Variants in DOK6 observed in about 807,000 individuals in gnomAD.
DOK6 encodes docking protein 6.
A neutral mutation model predicts 44.0 loss-of-function variants in DOK6; 22 were observed. The ratio of observed to expected loss-of-function variants is 0.50; its 90% confidence interval spans 0.36 to 0.71. The LOEUF (loss-of-function observed/expected upper bound fraction) is 0.71. DOK6 is among the 30% of genes least tolerant of loss of function. The pLI is 0.00. For missense variants in DOK6, 340 were observed against 416.4 expected, an observed-to-expected ratio of 0.82 and a Z score of 1.60; for synonymous variants, 166 against 145.5, an observed-to-expected ratio of 1.14 and a Z score of -1.01.
At chr18:69,582,201 T>C (rs1239469214) in intron 2 of DOK6, among the ~76,000 whole-genome samples, 1 of 152,220 alleles carries the variant, frequency 6.6e-6, no homozygotes, top group Admixed American at 6.5e-5. Flanking sequence ...GAAATGGGCC[T>C]GGCTGTGTTC....
intron 1 of DOK6, among the ~76,000 whole-genome samples, chr18:69,547,769 T>G (rs1599185236): frequency 6.6e-6 from 1 of 150,954 alleles, no homozygotes; most frequent in African/African-American, 2.4e-5. Context: ...AGATCCACTT[T>G]TCTAGCTCCC....
intron 1 of DOK6, among the ~76,000 whole-genome samples, chr18:69,494,773 C>G (rs1486519064): frequency 1.3e-5 from 2 of 152,228 alleles, no homozygotes; most frequent in Non-Finnish European, 2.9e-5. Context: ...CCCTTATCTT[C>G]TTACATAGCT....
intron 3 of DOK6, among the ~76,000 whole-genome samples, chr18:69,605,146 C>A (rs976959075): frequency 7.1e-6 from 1 of 141,596 alleles, no homozygotes; most frequent in Admixed American, 7.3e-5. Context: ...CAGCTGAGAC[C>A]AAATCATTTT....
chr18:69,474,159 C>T (rs1358414641), intron 1 of DOK6, among the ~76,000 whole-genome samples: 1 of 151,634 alleles, frequency 6.6e-6, no homozygotes, highest in East Asian at 1.9e-4. Context: ...TGAGGGGGGG[C>T]CTTCTTTCCT....
chr18:69,792,043 T>C (rs1244523469), intron 7 of DOK6, among the ~76,000 whole-genome samples: 6 of 152,160 alleles, frequency 3.9e-5, no homozygotes, highest in Non-Finnish European at 8.8e-5. Flanking sequence ...GGTGACTTTG[T>C]CAAAAATGAA....
intron 6 of DOK6, 156 bp downstream of exon 6, chr18:69,739,259 C>T: frequency 1.1e-6 from 1 of 924,732 alleles, no homozygotes; most frequent in Non-Finnish European, 1.6e-6. Flanking sequence ...TCTCTAATAT[C>T]CTATTCAATA....
intron 5 of DOK6, among the ~76,000 whole-genome samples, chr18:69,734,676 A>G (rs1175218281): frequency 6.6e-6 from 1 of 152,204 alleles, no homozygotes; most frequent in African/African-American, 2.4e-5. Flanking sequence ...TGTACACAAT[A>G]TTGCAAAACT....
intron 1 of DOK6, among the ~76,000 whole-genome samples, chr18:69,475,227 G>C (rs1030057731): frequency 6.6e-6 from 1 of 152,152 alleles, no homozygotes; most frequent in African/African-American, 2.4e-5. Flanking sequence ...AGGTAGAGGA[G>C]AGTATTGGAA....
chr18:69,756,376 C>T (rs926869319), intron 6 of DOK6, among the ~76,000 whole-genome samples: 5 of 151,974 alleles, frequency 3.3e-5, no homozygotes, highest in Admixed American at 3.3e-4. Context: ...TGAAGTCTAC[C>T]AAATTTTGAA....
In DOK6 at chr18:69,843,319, C is replaced by T. The variant is rs964376076; in HGVS notation, c.*1936C>T. 8 of 152,240 alleles carry T rather than the reference C, an allele frequency of 5.3e-5. No homozygotes were observed. The East Asian group carries it at 1.5e-3, about 29-fold the overall frequency. 9.4% of individuals were successfully genotyped at this position (152,240 alleles called of 1,614,324 possible). A position where few individuals can be genotyped will look rare whatever the true frequency, so the allele number is the denominator to read the frequency against. ...TGAAATCATAGCTTTTGGGGTTAAA[C>T]ACTTGTGAATTTCTTTTGCACATGG... On this transcript the variant is annotated 3_prime_UTR_variant, in exon 8 of 8. Coordinates refer to ENST00000382713, the MANE Select transcript of DOK6 (RefSeq NM_152721.6).
intron 7 of DOK6, among the ~76,000 whole-genome samples, chr18:69,793,865 T>A (rs1156883404): frequency 6.6e-6 from 1 of 152,094 alleles, no homozygotes; most frequent in African/African-American, 2.4e-5. Flanking sequence ...ACACCAAGAA[T>A]TATAGGACAA....
intron 1 of DOK6, among the ~76,000 whole-genome samples, chr18:69,455,675 G>C (rs1392017544): frequency 6.6e-6 from 1 of 152,158 alleles, no homozygotes; most frequent in East Asian, 1.9e-4. Flanking sequence ...TAGAGGCTTA[G>C]GATTTTAACT....
intron 7 of DOK6, among the ~76,000 whole-genome samples, chr18:69,828,424 A>G (rs1310747674): frequency 6.6e-6 from 1 of 151,884 alleles, no homozygotes; most frequent in Admixed American, 6.6e-5. Context: ...AGCTTTGCAA[A>G]GAGATCGCAG....
chr18:69,544,597 T>G (rs894060262), intron 1 of DOK6, among the ~76,000 whole-genome samples: 1 of 151,472 alleles, frequency 6.6e-6, no homozygotes, highest in Admixed American at 6.6e-5. Context: ...AAAGAGAATA[T>G]AGTTGTGCTC....
intron 3 of DOK6, among the ~76,000 whole-genome samples, chr18:69,604,821 T>G (rs1309004764): frequency 2.6e-5 from 4 of 152,138 alleles, no homozygotes; most frequent in African/African-American, 9.7e-5. Flanking sequence ...TTGTATAGAT[T>G]ATTAAATACT....
chr18:69,598,832 G>T (rs1983806540), intron 2 of DOK6, among the ~76,000 whole-genome samples: 2 of 151,990 alleles, frequency 1.3e-5, no homozygotes, highest in Non-Finnish European at 2.9e-5. Flanking sequence ...GATGGGCTTT[G>T]GTGGGAGAAG....
In DOK6 at chr18:69,564,612, G is replaced by A. The variant is rs756089917; in HGVS notation, c.174+18G>A. On this transcript the variant is annotated intron_variant, in intron 2 of 7. Transcript: ENST00000382713. ...TTCATAAGGTAAGTCACAGTCCTGG[G>A]AGTCCCTGGGGAATAACTGGGCCCT... 3.8e-6 allele frequency: 6 copies of A among 1,592,384 alleles called. 1 individual carries two copies. In the South Asian group the frequency reaches 6.7e-5, roughly 18 times the overall value.
At chr18:69,630,485 T>TTTCA (rs767741240) in intron 3 of DOK6, among the ~76,000 whole-genome samples, 1 of 152,256 alleles carries the variant, frequency 6.6e-6, no homozygotes, top group Non-Finnish European at 1.5e-5. Flanking sequence ...ATTTCTTCAC[T>TTTCA]TTCATTCATT....
At chr18:69,592,049 A>G (rs1158703564) in intron 2 of DOK6, among the ~76,000 whole-genome samples, 1 of 151,990 alleles carries the variant, frequency 6.6e-6, no homozygotes, top group African/African-American at 2.4e-5. Flanking sequence ...TTTGGGAATT[A>G]TTTTCATTTT....
Sources: gnomAD v4.1 joint callset for allele counts (sites outside exome capture counted in the v4.1 genomes callset) on GRCh38, gnomAD v4.1.1 for gene constraint, MANE v1.5 for transcripts, NCBI Gene and HGNC (gene_info 2026-07-23, HGNC 2026-07-21) for gene names.